Variants in ZNF608 observed in about 807,000 individuals in gnomAD.
ZNF608 encodes the protein renal carcinoma antigen NY-REN-36.
A neutral mutation model predicts 109.0 loss-of-function variants in ZNF608; 12 were observed. The ratio of observed to expected loss-of-function variants is 0.11; its 90% CI spans 0.07 to 0.18. The LOEUF (loss-of-function observed/expected upper bound fraction) is 0.18. Among genes scored for constraint, ZNF608 ranks in the 10% least tolerant of loss-of-function variants. ZNF608 has a pLI of 1.00. For synonymous variants in ZNF608, 732 were observed against 717.4 expected, an observed-to-expected ratio of 1.02 and a Z score of -0.33; for missense variants, 1,707 against 1,879.3, an observed-to-expected ratio of 0.91 and a Z score of 1.70.
chr5:124,748,475 C>T (rs1048085993), upstream of ZNF608: 1 of 926,404 alleles, frequency 1.1e-6, no homozygotes, highest in Non-Finnish European at 1.3e-6. Context: ...TCGCACATTC[C>T]CCTGCATGAA....
At chr5:124,661,425 G>GA (rs888056726) in intron 3 of ZNF608, among the ~76,000 whole-genome samples, 1 of 151,244 alleles carries the variant, frequency 6.6e-6, no homozygotes, top group Non-Finnish European at 1.5e-5. Context: ...ACAGCACTCA[G>GA]AGGCTGCCTT....
chr5:124,680,678 A>T (rs1267817347), intron 3 of ZNF608, among the ~76,000 whole-genome samples: 1 of 152,222 alleles, frequency 6.6e-6, no homozygotes, highest in Non-Finnish European at 1.5e-5. Flanking sequence ...CAAAAAATAC[A>T]CATGACAAAT....
At chr5:124,741,955 C>T (rs1416987843) in intron 2 of ZNF608, among the ~76,000 whole-genome samples, 2 of 152,172 alleles carry the variant, frequency 1.3e-5, no homozygotes, top group African/African-American at 4.8e-5. Context: ...TGTGCCAACT[C>T]CAGTGGCTAA....
chr5:124,747,069 TC>T (rs1309912593), upstream of ZNF608, among the ~76,000 whole-genome samples: 1 of 152,062 alleles, frequency 6.6e-6, no homozygotes, highest in African/African-American at 2.4e-5. Flanking sequence ...GGAACTGAGT[TC>T]CTAGTATAGC....
chr5:124,705,871 G>A (rs1184778434), intron 2 of ZNF608, among the ~76,000 whole-genome samples: 1 of 152,208 alleles, frequency 6.6e-6, no homozygotes, highest in Middle Eastern at 3.4e-3. Context: ...ATGCACTGCT[G>A]CCCTAACAGT....
chr5:124,701,244 G>GCTGGCA lies in ZNF608; in HGVS notation c.926_931dup (p.Val309_Pro310dup). 1 of 1,614,094 alleles carries GCTGGCA rather than the reference G, an allele frequency of 6.2e-7. No individual in the cohort carries two copies. The highest frequency in any genetic ancestry group is 8.5e-7 in the Non-Finnish European group (1 of 1,179,998). On this transcript the variant is annotated inframe_insertion, in exon 3 of 10. Coordinates refer to ENST00000513986, the MANE Select transcript of ZNF608 (RefSeq NM_020747.3). ...ACTGCTGGAAATCGGCGGTGGTGGC[G>GCTGGCA]CTGGCACTGTAAACAGGGGGTCAAC...
intron 3 of ZNF608, among the ~76,000 whole-genome samples, chr5:124,660,160 C>T (rs1269618814): frequency 6.8e-6 from 1 of 147,270 alleles, no homozygotes; most frequent in Non-Finnish European, 1.5e-5. Flanking sequence ...AGAAGAACTG[C>T]CTCTCTTAAC....
At chr5:124,661,669 C>T (rs1224329718) in intron 3 of ZNF608, among the ~76,000 whole-genome samples, 1 of 152,184 alleles carries the variant, frequency 6.6e-6, no homozygotes, top group Admixed American at 6.5e-5. Context: ...CAGAACAAAA[C>T]TTAGCTGGTT....
intron 3 of ZNF608, among the ~76,000 whole-genome samples, chr5:124,666,730 T>TG: frequency 6.6e-6 from 1 of 150,456 alleles, no homozygotes; most frequent in East Asian, 1.9e-4. Flanking sequence ...TGTGTGTGTG[T>TG]GTGTGTGTGT....
At chr5:124,728,172 C>T (rs1748704402) in intron 2 of ZNF608, among the ~76,000 whole-genome samples, 1 of 152,176 alleles carries the variant, frequency 6.6e-6, no homozygotes, top group South Asian at 2.1e-4. Flanking sequence ...TCCTATTAGA[C>T]CAGTCCCTAC....
At chr5:124,657,274 T>C (rs1751051983) in intron 3 of ZNF608, among the ~76,000 whole-genome samples, 2 of 152,060 alleles carry the variant, frequency 1.3e-5, no homozygotes, top group Admixed American at 6.5e-5. Flanking sequence ...ACCGCACATA[T>C]AGATGGTGAC....
At chr5:124,719,184 A>T (rs1367914295) in intron 2 of ZNF608, among the ~76,000 whole-genome samples, 1 of 152,248 alleles carries the variant, frequency 6.6e-6, no homozygotes, top group Admixed American at 6.5e-5. Context: ...TTCTGCAATT[A>T]GAATTAAACT....
At chr5:124,652,739 A>T (rs1442184823) in intron 3 of ZNF608, among the ~76,000 whole-genome samples, 1 of 152,248 alleles carries the variant, frequency 6.6e-6, no homozygotes, top group Non-Finnish European at 1.5e-5. Context: ...ATTTTGCTGA[A>T]ATCTCAAAAT....
chr5:124,701,367 A>G, intron 2 of ZNF608, 98 bp from the exon 3 acceptor site: 1 of 1,434,900 alleles, frequency 7.0e-7, no homozygotes, highest in Non-Finnish European at 9.5e-7. Flanking sequence ...CACCATTCCA[A>G]ATTCCATTTG....
At chr5:124,641,456 T>C in intron 7 of ZNF608, 51 bp from the exon 8 acceptor site, 1 of 1,555,470 alleles carries the variant, frequency 6.4e-7, no homozygotes, top group Non-Finnish European at 8.7e-7. Context: ...AAATCAACTT[T>C]TAAGAGTACT....
intron 3 of ZNF608, 127 bp downstream of exon 3, chr5:124,700,887 G>T: frequency 7.8e-7 from 1 of 1,275,540 alleles, no homozygotes; most frequent in Non-Finnish European, 1.1e-6. Context: ...CAAATCCAGA[G>T]AGCGGAAATA....
chr5:124,640,376 A>G (rs1425339084), intron 8 of ZNF608, among the ~76,000 whole-genome samples: 1 of 152,214 alleles, frequency 6.6e-6, no homozygotes, highest in Admixed American at 6.5e-5. Context: ...TGTCCTTATA[A>G]GAAAGCACAC....
intron 3 of ZNF608, among the ~76,000 whole-genome samples, chr5:124,697,295 T>C (rs76214612): frequency 0.034 from 5,161 of 150,102 alleles, 269 homozygotes; most frequent in African/African-American, 0.11. Flanking sequence ...TCATAAAGGC[T>C]AAAAAGCCAA....
intron 2 of ZNF608, among the ~76,000 whole-genome samples, chr5:124,702,312 G>GA (rs1196242644): frequency 6.6e-6 from 1 of 152,176 alleles, no homozygotes; most frequent in African/African-American, 2.4e-5. Context: ...GTTGCACATA[G>GA]AAACGGCCTA....
Sources: gnomAD v4.1 joint callset for allele counts (sites outside exome capture counted in the v4.1 genomes callset) on GRCh38, gnomAD v4.1.1 for gene constraint, MANE v1.5 for transcripts, NCBI Gene and HGNC (gene_info 2026-07-23, HGNC 2026-07-21) for gene names.